GOLT1A: variants seen among roughly 807,000 people sequenced by gnomAD.
GOLT1A encodes the protein golgi transport 1A.
In GOLT1A, 10 loss-of-function variants were observed where a neutral mutation model predicts 16.1. The observed-to-expected ratio is 0.62, with a 90% CI of 0.38 to 1.05. The LOEUF is 1.05. Ranked by LOEUF, GOLT1A falls within the 50% of genes least tolerant of loss-of-function variation. GOLT1A has a pLI of 0.01. For missense variants in GOLT1A, 137 were observed against 165.7 expected (o/e 0.83, Z 0.95); for synonymous variants, 60 against 67.9 (o/e 0.88, Z 0.57).
At position 204,203,502 on chromosome 1, in the gene GOLT1A, A is replaced by G. The variant is rs184088903; in HGVS notation, c.26-515T>C. Among the ~76,000 whole-genome samples the G allele has an allele frequency of 2.2e-3, 331 of 151,932 alleles. 1 individual carries two copies. Among genetic ancestry groups the G allele is most frequent in the African/African-American group, 7.5e-3 (310 of 41,426 alleles). ...CTCAAGAGGCTGGCCCGCCTGAGCA[A>G]CTCTCCACACTGCCTCCTTCCTCCT... is the stretch of plus-strand genomic sequence containing the variant. On this transcript the variant is annotated intron_variant, in intron 1 of 4. Transcript: ENST00000308302.
chr1:204,201,889 G>A (rs1280420463), intron 2 of GOLT1A, 78 bp from the exon 3 acceptor site: 13 of 1,345,122 alleles, frequency 9.7e-6, no homozygotes, highest in Admixed American at 1.9e-5. Flanking sequence ...GGAGCCAGGC[G>A]GTGGGCTGGG....
intron 1 of GOLT1A, among the ~76,000 whole-genome samples, chr1:204,211,090 C>T (rs1458468132): frequency 2.0e-5 from 3 of 152,126 alleles, no homozygotes; most frequent in African/African-American, 4.8e-5. Flanking sequence ...ACCTAATTCC[C>T]GGCCACGATC....
At chr1:204,204,171 T>C (rs1213808466) in intron 1 of GOLT1A, among the ~76,000 whole-genome samples, 1 of 152,230 alleles carries the variant, frequency 6.6e-6, no homozygotes, top group East Asian at 1.9e-4. Context: ...TTTTAAATTG[T>C]GGCAACGTGC....
chr1:204,205,143 C>A (rs779579726), intron 1 of GOLT1A, among the ~76,000 whole-genome samples: 1 of 152,086 alleles, frequency 6.6e-6, no homozygotes, highest in African/African-American at 2.4e-5. Flanking sequence ...TCCTTTGATG[C>A]GGTGAAGTTT....
Position 204,199,182 on chromosome 1 carries a change from A to T in GOLT1A, c.360+13T>A. 3 of 1,585,838 alleles carry T rather than the reference A, an allele frequency of 1.9e-6. No homozygotes were observed. Among genetic ancestry groups the T allele is most frequent in the Non-Finnish European group, 2.6e-6 (3 of 1,166,418 alleles). ...AGGGTACGCCCGCAGGGCTGCAGGC[A>T]TCATCTGCTTACCGCACCCAGGAAG... On this transcript the variant is annotated intron_variant, in intron 4 of 4. Coordinates refer to ENST00000308302, the MANE Select transcript of GOLT1A (RefSeq NM_198447.2).
intron 1 of GOLT1A, among the ~76,000 whole-genome samples, chr1:204,212,636 CAAAAA>C (rs34059752): frequency 3.6e-5 from 3 of 84,188 alleles, no homozygotes; most frequent in Non-Finnish European, 2.3e-5. Context: ...GACTCTGTCT[CAAAAA>C]AAAAAAAAAA....
chr1:204,213,930 T>G lies in GOLT1A; in HGVS notation c.-24A>C. 1.2e-6 allele frequency: 2 copies of G among 1,612,246 alleles called. No individual in the cohort carries two copies. Among genetic ancestry groups the G allele is most frequent in the Non-Finnish European group, 1.7e-6 (2 of 1,179,430 alleles). On this transcript the variant is annotated 5_prime_UTR_variant, in exon 1 of 5. Coordinates refer to ENST00000308302, the MANE Select transcript of GOLT1A (RefSeq NM_198447.2). ...ATGCCGCACTCAGCCTGGGGGGCTT[T>G]CCGGGTGGAAGCGGGCAAGTGGAGC... is the stretch of plus-strand genomic sequence containing the variant.
chr1:204,207,047 C>G lies in GOLT1A; in HGVS notation c.26-4060G>C, dbSNP rs12092150. ...AGGGTCAGAAACTCTGTTTCTCACA[C>G]ACAAGCTTCAGACCCGCCTTTGCCT... On this transcript the variant is annotated intron_variant, in intron 1 of 4. Coordinates refer to ENST00000308302, the MANE Select transcript of GOLT1A (RefSeq NM_198447.2). Among the ~76,000 whole-genome samples, 1,037 of 152,348 alleles carry G rather than the reference C, an allele frequency of 6.8e-3. 16 individuals are homozygous for G. The highest frequency in any genetic ancestry group is 0.023 in the African/African-American group (962 of 41,572).
At chr1:204,213,855 C>T (rs1413739292) in intron 1 of GOLT1A, 27 bp downstream of exon 1, 3 of 1,611,372 alleles carry the variant, frequency 1.9e-6, no homozygotes, top group Non-Finnish European at 2.5e-6. Context: ...CTGGATAGCC[C>T]ATTGCAGCCC....
intron 1 of GOLT1A, among the ~76,000 whole-genome samples, chr1:204,210,982 G>A (rs951964618): frequency 5.2e-5 from 7 of 134,338 alleles, no homozygotes; most frequent in Admixed American, 1.6e-4. Flanking sequence ...ACCACTTAAC[G>A]CAGAAGCCCA....
chr1:204,213,818 A>G (rs1478167968), intron 1 of GOLT1A, 64 bp downstream of exon 1: 1 of 1,572,806 alleles, frequency 6.4e-7, no homozygotes, highest in African/African-American at 1.4e-5. Context: ...CAGCTGGGAG[A>G]GAGAGCCAGC....
chr1:204,201,857 G>A, intron 2 of GOLT1A, 46 bp from the exon 3 acceptor site: 1 of 1,574,910 alleles, frequency 6.3e-7, no homozygotes, highest in South Asian at 1.1e-5. Context: ...CCAGCCCCCT[G>A]AGGAGTGAGG....
rs574701966 is a variant in GOLT1A, at chr1:204,210,123, T to C, written c.25+3759A>G. Among the ~76,000 whole-genome samples the C allele has an allele frequency of 2.0e-5, 3 of 152,312 alleles. No individual in the cohort carries two copies. The South Asian group carries it at 6.2e-4, about 32-fold the overall frequency. ...CTTTAACCAACCCAGTCCAGTCCAC[T>C]TCTGCAGGCAATGCTCTTGCCTTGG... On this transcript the variant is annotated intron_variant, in intron 1 of 4. Coordinates refer to ENST00000308302, the MANE Select transcript of GOLT1A (RefSeq NM_198447.2).
chr1:204,199,146 C>A, intron 4 of GOLT1A, 49 bp downstream of exon 4: 1 of 1,496,656 alleles, frequency 6.7e-7, no homozygotes, highest in East Asian at 2.4e-5. Flanking sequence ...GTGTGCTCCC[C>A]CTCACTCCCC....
chr1:204,208,476 GTA>G (rs1553234655), intron 1 of GOLT1A, among the ~76,000 whole-genome samples: 5 of 39,954 alleles, frequency 1.3e-4, no homozygotes, highest in Middle Eastern at 0.013. Flanking sequence ...GTGTGTGTGT[GTA>G]TATATATATA....
chr1:204,200,299 G>GTGTGTATATA, intron 3 of GOLT1A, among the ~76,000 whole-genome samples: 3 of 82,676 alleles, frequency 3.6e-5, no homozygotes, highest in South Asian at 7.2e-4. Context: ...ACATATATGT[G>GTGTGTATATA]TATATATATA....
At chr1:204,205,502 T>C (rs140972912) in intron 1 of GOLT1A, among the ~76,000 whole-genome samples, 1 of 152,300 alleles carries the variant, frequency 6.6e-6, no homozygotes, top group East Asian at 1.9e-4. Context: ...CTCTATGAAA[T>C]TGGTATTATT....
At chr1:204,213,536 T>C (rs971283000) in intron 1 of GOLT1A, among the ~76,000 whole-genome samples, 2 of 152,170 alleles carry the variant, frequency 1.3e-5, no homozygotes, top group Non-Finnish European at 2.9e-5. Context: ...ACCTTGATGG[T>C]GTGGGGAAAG....
In GOLT1A at chr1:204,203,007, G is replaced by T; in HGVS notation, c.26-20C>A. 1.9e-6 allele frequency: 3 copies of T among 1,607,482 alleles called. No homozygotes were observed. The highest frequency in any genetic ancestry group is 2.6e-6 in the Non-Finnish European group (3 of 1,174,244). ...CAATCTCTGCAATGGGCAAGGAGGT[G>T]GTGGAGGAAAGGGCTTTGGGGAGCA... On this transcript the variant is annotated intron_variant, in intron 1 of 4. Transcript: ENST00000308302.
Sources: allele counts gnomAD v4.1 joint callset (sites outside exome capture counted in the v4.1 genomes callset), GRCh38; gene constraint gnomAD v4.1.1; transcripts MANE v1.5; gene names NCBI Gene and HGNC (gene_info 2026-07-23, HGNC 2026-07-21).